KIF5C: variants seen among roughly 807,000 people sequenced by gnomAD.
The protein encoded by KIF5C is kinesin heavy chain isoform 5C.
In KIF5C, 18 loss-of-function variants were observed where a neutral mutation model predicts 125.2. The observed-to-expected ratio is 0.14, with a 90% CI of 0.10 to 0.21. The LOEUF is 0.21. Ranked by LOEUF, KIF5C falls within the 10% of genes least tolerant of loss-of-function variation. The pLI is 1.00. For missense variants in KIF5C, 780 were observed against 1,183.8 expected, an observed-to-expected ratio of 0.66 and a Z score of 5.01; for synonymous variants, 405 against 434.0, an observed-to-expected ratio of 0.93 and a Z score of 0.83.
intron 22 of KIF5C, 133 bp downstream of exon 22, chr2:149,005,597 A>G: frequency 7.5e-7 from 1 of 1,340,636 alleles, no homozygotes. Context: ...ACACCAGAGA[A>G]TGTTATTAAA....
chr2:148,922,010 A>G, intron 1 of KIF5C, 127 bp from the exon 2 acceptor site: 1 of 570,616 alleles, frequency 1.8e-6, no homozygotes, highest in East Asian at 2.9e-5. Flanking sequence ...TTGGTAATGA[A>G]CTGCCTTAAA....
chr2:148,995,136 A>G (rs1319847346), intron 17 of KIF5C, among the ~76,000 whole-genome samples: 2 of 152,034 alleles, frequency 1.3e-5, no homozygotes, highest in Non-Finnish European at 2.9e-5. Flanking sequence ...GGTCCATTTC[A>G]CCTGCCAGAG....
At chr2:148,941,912 T>C in intron 5 of KIF5C, 23 bp from the exon 6 acceptor site, 1 of 1,603,958 alleles carries the variant, frequency 6.2e-7, no homozygotes, top group Non-Finnish European at 8.5e-7. Flanking sequence ...CTTCTTTGCC[T>C]GCTGTCATTC....
chr2:149,003,083 T>C (rs1681905978), intron 21 of KIF5C, among the ~76,000 whole-genome samples: 1 of 151,596 alleles, frequency 6.6e-6, no homozygotes, highest in African/African-American at 2.4e-5. Flanking sequence ...TCCCTCACTC[T>C]CACCACCCAC....
chr2:148,895,870 ACACACC>A (rs796085315), intron 1 of KIF5C, among the ~76,000 whole-genome samples: 1,453 of 59,370 alleles, frequency 0.024, 20 homozygotes, highest in Middle Eastern at 0.14. Context: ...ACACACACAC[ACACACC>A]CACAGAGATC....
intron 3 of KIF5C, among the ~76,000 whole-genome samples, chr2:148,933,791 C>T (rs1350035257): frequency 6.6e-6 from 1 of 150,450 alleles, no homozygotes; most frequent in African/African-American, 2.5e-5. Context: ...ACCACATACC[C>T]CCCATATACA....
intron 15 of KIF5C, among the ~76,000 whole-genome samples, chr2:148,990,603 T>A (rs371876340): frequency 1.1e-4 from 16 of 152,238 alleles, no homozygotes; most frequent in African/African-American, 3.6e-4. Flanking sequence ...AAGTTTTGAT[T>A]TGAGTTTTTA....
intron 15 of KIF5C, among the ~76,000 whole-genome samples, chr2:148,985,695 C>A (rs1040095297): frequency 2.6e-5 from 4 of 152,178 alleles, no homozygotes; most frequent in Non-Finnish European, 5.9e-5. Flanking sequence ...CTACATCAGT[C>A]TGCTTAGTGG....
rs779798034 is a variant in KIF5C, at chr2:148,983,797, C to T, written c.1716+31C>T. 4 of 1,560,528 alleles carry T rather than the reference C, an allele frequency of 2.6e-6. No homozygotes were observed. The African/African-American group carries it at 5.4e-5, about 21-fold the overall frequency. ...CCAGCCCTTCTTTTATCCTCTCTAC[C>T]TGCTCCTGTCAAGTTAGTAGGGTCT... On this transcript the variant is annotated intron_variant, in intron 15 of 25. Coordinates refer to ENST00000435030, the MANE Select transcript of KIF5C (RefSeq NM_004522.3).
intron 3 of KIF5C, among the ~76,000 whole-genome samples, chr2:148,935,276 A>G (rs937272791): frequency 6.6e-6 from 1 of 152,244 alleles, no homozygotes; most frequent in Non-Finnish European, 1.5e-5. Context: ...ATCCATTGAA[A>G]GGGAAAGCAT....
intron 3 of KIF5C, among the ~76,000 whole-genome samples, chr2:148,933,417 A>G (rs1425591957): frequency 1.3e-5 from 2 of 151,818 alleles, no homozygotes; most frequent in Non-Finnish European, 2.9e-5. Context: ...TCACTCTCAT[A>G]CACACACAGA....
At chr2:148,883,844 C>T (rs1010167211) in intron 1 of KIF5C, 1 of 151,990 alleles carries the variant, frequency 6.6e-6, no homozygotes, top group African/African-American at 2.4e-5. Flanking sequence ...AGTCCACATA[C>T]CTCCTTGTGG....
At chr2:148,885,161 A>G (rs925569441) in intron 1 of KIF5C, among the ~76,000 whole-genome samples, 1 of 151,748 alleles carries the variant, frequency 6.6e-6, no homozygotes, top group Non-Finnish European at 1.5e-5. Context: ...AATTTTTTGT[A>G]TTTTAGTAGA....
chr2:149,021,982 A>C (rs1018710435), intron 25 of KIF5C, among the ~76,000 whole-genome samples: 1 of 152,138 alleles, frequency 6.6e-6, no homozygotes, highest in Non-Finnish European at 1.5e-5. Flanking sequence ...GTGCAGGCTG[A>C]CAGAGGCCAT....
At chr2:148,955,303 G>A (rs932669957) in intron 10 of KIF5C, among the ~76,000 whole-genome samples, 5 of 152,318 alleles carry the variant, frequency 3.3e-5, no homozygotes, top group Admixed American at 6.5e-5. Flanking sequence ...AAATCGAGGC[G>A]TTGCTGTGAA....
intron 11 of KIF5C, among the ~76,000 whole-genome samples, chr2:148,966,162 A>G (rs563376581): frequency 1.3e-5 from 2 of 152,326 alleles, no homozygotes; most frequent in East Asian, 1.9e-4. Context: ...GCTCCCCTCA[A>G]CATTTCCTGG....
chr2:149,014,535 C>G (rs1682303935), intron 25 of KIF5C, among the ~76,000 whole-genome samples: 1 of 152,190 alleles, frequency 6.6e-6, no homozygotes, highest in Non-Finnish European at 1.5e-5. Flanking sequence ...GACAAGGGAC[C>G]TGGGTTCAGG....
chr2:148,913,206 T>C (rs187456632), intron 1 of KIF5C, among the ~76,000 whole-genome samples: 23 of 152,296 alleles, frequency 1.5e-4, no homozygotes, highest in African/African-American at 5.1e-4. Context: ...AAATCTATAG[T>C]TGAGGGAACA....
chr2:148,946,452 C>T (rs1682521842), intron 7 of KIF5C, among the ~76,000 whole-genome samples: 1 of 152,174 alleles, frequency 6.6e-6, no homozygotes, highest in African/African-American at 2.4e-5. Flanking sequence ...TTAATCCTTG[C>T]TTAAGAAAGC....
Sources: gnomAD v4.1 joint callset for allele counts (sites outside exome capture counted in the v4.1 genomes callset) on GRCh38, gnomAD v4.1.1 for gene constraint, MANE v1.5 for transcripts, NCBI Gene and HGNC (gene_info 2026-07-23, HGNC 2026-07-21) for gene names.